Variants in NTM observed in about 807,000 individuals in gnomAD.
NTM encodes neurotrimin.
NTM carries 13 observed loss-of-function variants against 42.1 expected under a neutral mutation model. That is an observed-to-expected ratio of 0.31 (90% CI 0.20 to 0.49). The LOEUF (loss-of-function observed/expected upper bound fraction) is 0.49. NTM is among the 20% of genes least tolerant of loss of function. The pLI is 0.99. For synonymous variants in NTM, 187 were observed against 179.2 expected (o/e 1.04, Z -0.35); for missense variants, 373 against 452.8 (o/e 0.82, Z 1.60).
At chr11:131,538,346 G>A (rs904880975) in intron 1 of NTM, 20 of 152,276 alleles carry the variant, frequency 1.3e-4, no homozygotes, top group African/African-American at 4.6e-4. Flanking sequence ...TACCTAGTTA[G>A]TGGCAGCCCT....
intron 1 of NTM, among the ~76,000 whole-genome samples, chr11:131,501,063 G>C (rs568850595): frequency 6.6e-6 from 1 of 152,026 alleles, no homozygotes; most frequent in East Asian, 2.0e-4. Flanking sequence ...GACCTGCCTA[G>C]TTACATAACC....
intron 4 of NTM, among the ~76,000 whole-genome samples, chr11:132,300,289 G>T (rs1362804022): frequency 2.6e-5 from 4 of 152,170 alleles, no homozygotes; most frequent in African/African-American, 7.2e-5. Flanking sequence ...TGATAGCTAC[G>T]ATTTCCTGAG....
At chr11:131,473,445 T>A (rs962005080) in intron 1 of NTM, among the ~76,000 whole-genome samples, 3 of 152,196 alleles carry the variant, frequency 2.0e-5, no homozygotes, top group African/African-American at 4.8e-5. Flanking sequence ...TGCATTTTTT[T>A]AAGCTCATTC....
intron 2 of NTM, among the ~76,000 whole-genome samples, chr11:131,975,928 C>T (rs891781779): frequency 8.5e-5 from 13 of 152,112 alleles, no homozygotes; most frequent in African/African-American, 3.1e-4. Context: ...ATTAACTCAA[C>T]TCTGGAGTCT....
intron 3 of NTM, among the ~76,000 whole-genome samples, chr11:132,191,416 C>T (rs1322779424): frequency 6.6e-6 from 1 of 152,212 alleles, no homozygotes; most frequent in Non-Finnish European, 1.5e-5. Context: ...GAGTGATCAG[C>T]TGAGCCTTGG....
chr11:132,266,991 C>T (rs10894526), intron 4 of NTM, among the ~76,000 whole-genome samples: 45,815 of 152,034 alleles, frequency 0.3, 7,222 homozygotes, highest in African/African-American at 0.37. Context: ...CAAATCATGA[C>T]GGAAATAACC....
chr11:131,564,537 T>C (rs2056644574), intron 1 of NTM, among the ~76,000 whole-genome samples: 2 of 152,142 alleles, frequency 1.3e-5, no homozygotes, highest in Admixed American at 6.5e-5. Context: ...TTTTGAGGTA[T>C]TGTTGATATA....
intron 1 of NTM, among the ~76,000 whole-genome samples, chr11:131,512,864 C>T (rs1229001532): frequency 2.6e-5 from 4 of 152,100 alleles, no homozygotes; most frequent in Non-Finnish European, 4.4e-5. Context: ...CCCACCCTCT[C>T]CCTGTCTTGA....
intron 1 of NTM, among the ~76,000 whole-genome samples, chr11:131,500,110 G>A (rs1299023982): frequency 2.6e-5 from 4 of 152,166 alleles, no homozygotes; most frequent in Non-Finnish European, 5.9e-5. Flanking sequence ...TCACTCCCAC[G>A]TGACATCAGT....
chr11:131,888,420 C>T (rs1349898214), intron 1 of NTM, among the ~76,000 whole-genome samples: 3 of 152,180 alleles, frequency 2.0e-5, no homozygotes, highest in Non-Finnish European at 2.9e-5. Context: ...CTCATTTTGA[C>T]CCATCTGCCA....
intron 1 of NTM, among the ~76,000 whole-genome samples, chr11:131,830,510 T>C (rs1394680158): frequency 1.3e-5 from 2 of 152,212 alleles, no homozygotes; most frequent in Admixed American, 6.5e-5. Flanking sequence ...TTCTCTATTC[T>C]GTTCCATTGG....
intron 2 of NTM, among the ~76,000 whole-genome samples, chr11:132,144,855 G>C (rs911919946): frequency 4.6e-5 from 7 of 152,148 alleles, no homozygotes; most frequent in Non-Finnish European, 8.8e-5. Flanking sequence ...GTTTCTTTTT[G>C]GGCAGTATTT....
chr11:132,072,937 C>T (rs981147884), intron 2 of NTM, among the ~76,000 whole-genome samples: 1 of 152,146 alleles, frequency 6.6e-6, no homozygotes, highest in Non-Finnish European at 1.5e-5. Context: ...TTGACAAACA[C>T]TCTTTGAAAG....
intron 2 of NTM, among the ~76,000 whole-genome samples, chr11:131,976,143 CCTTCCTTCCTTCCTTT>C (rs1301385880): frequency 7.7e-5 from 11 of 141,954 alleles, no homozygotes; most frequent in East Asian, 4.9e-4. Context: ...TTCCTTCCTT[CCTTCCTTCCTTCCTTT>C]CTTCCTTCCT....
chr11:132,283,800 A>C (rs2094108790), intron 4 of NTM, among the ~76,000 whole-genome samples: 1 of 152,078 alleles, frequency 6.6e-6, no homozygotes, highest in Non-Finnish European at 1.5e-5. Flanking sequence ...CTCCTGTTCA[A>C]TGGGGGGCTT....
chr11:131,563,025 C>T (rs1440060036), intron 1 of NTM, among the ~76,000 whole-genome samples: 2 of 152,188 alleles, frequency 1.3e-5, no homozygotes, highest in Admixed American at 1.3e-4. Flanking sequence ...CTGTCATTTC[C>T]ATCTCTGTCC....
chr11:131,786,146 C>A lies in NTM; in HGVS notation c.83-125418C>A, dbSNP rs149488963. ...TACTTAAGCATGTGTTTGCTTAAGA[C>A]CTCAAAGTTCTAAACAACCTCGGAA... On this transcript the variant is annotated intron_variant, in intron 1 of 8. Coordinates refer to ENST00000683400, the MANE Select transcript of NTM (RefSeq NM_001352005.2). 3.2e-4 allele frequency among the ~76,000 whole-genome samples: 49 copies of A among 152,278 alleles called. No individual in the cohort carries two copies. In the East Asian group the frequency reaches 5.6e-3, roughly 17 times the overall value.
chr11:131,418,193 C>A (rs760408942), intron 1 of NTM, among the ~76,000 whole-genome samples: 3 of 152,122 alleles, frequency 2.0e-5, no homozygotes, highest in Admixed American at 1.3e-4. Context: ...TGATAGAGAC[C>A]TTTAAATGTC....
intron 1 of NTM, among the ~76,000 whole-genome samples, chr11:131,679,569 A>AG (rs991127422): frequency 2.0e-5 from 3 of 151,776 alleles, no homozygotes; most frequent in African/African-American, 7.3e-5. Context: ...CTTTCCCAGG[A>AG]GCTGATCGCT....
Sources: allele counts gnomAD v4.1 joint callset (sites outside exome capture counted in the v4.1 genomes callset), GRCh38; gene constraint gnomAD v4.1.1; transcripts MANE v1.5; gene names NCBI Gene and HGNC (gene_info 2026-07-23, HGNC 2026-07-21).